CCDC57: variants seen among roughly 807,000 people sequenced by gnomAD.
The protein encoded by CCDC57 is coiled-coil domain-containing protein 57.
Under a neutral mutation model 118.9 loss-of-function variants are expected in CCDC57, and 118 were observed. The ratio of observed to expected loss-of-function variants is 0.99; its 90% confidence interval spans 0.86 to 1.16. The LOEUF (loss-of-function observed/expected upper bound fraction) is 1.16. Among genes scored for constraint, CCDC57 ranks in the 50% most tolerant of loss-of-function variants. CCDC57 has a pLI of 0.00. For missense variants in CCDC57, 1,300 were observed against 1,320.7 expected, an observed-to-expected ratio of 0.98 and a Z score of 0.24; for synonymous variants, 527 against 532.9, an observed-to-expected ratio of 0.99 and a Z score of 0.15.
At chr17:82,170,840 T>C (rs1297793195) in intron 13 of CCDC57, among the ~76,000 whole-genome samples, 1 of 152,172 alleles carries the variant, frequency 6.6e-6, no homozygotes, top group Admixed American at 6.6e-5. Flanking sequence ...CAAAATAGGA[T>C]GTGCTACGTG....
At chr17:82,101,614 A>G in exon 20 of CCDC57, 1 of 1,292,178 alleles carries the variant, frequency 7.7e-7, no homozygotes, top group Non-Finnish European at 1.1e-6. Flanking sequence ...CACAACACGT[A>G]GGTGAAAGCA....
chr17:82,190,695 C>CA (rs533549239), intron 7 of CCDC57, among the ~76,000 whole-genome samples: 1,964 of 46,046 alleles, frequency 0.043, 32 homozygotes, highest in African/African-American at 0.06. Context: ...GACTCTGTCT[C>CA]AAAAAAAAAA....
chr17:82,205,787 C>T (rs766928561), intron 2 of CCDC57, among the ~76,000 whole-genome samples: 2 of 152,178 alleles, frequency 1.3e-5, no homozygotes, highest in Admixed American at 6.5e-5. Context: ...GTGCAGCACC[C>T]GGTGAGAGCC....
chr17:82,163,247 C>G, exon 14 of CCDC57: 1 of 1,614,052 alleles, frequency 6.2e-7, no homozygotes, highest in Non-Finnish European at 8.5e-7. Flanking sequence ...TGCACTCTGT[C>G]CCCGAGCTTC....
chr17:82,115,509 G>A (rs896451454), intron 19 of CCDC57, among the ~76,000 whole-genome samples: 1 of 152,136 alleles, frequency 6.6e-6, no homozygotes, highest in Admixed American at 6.5e-5. Context: ...GGTGGCTTAC[G>A]CCTGTAATCC....
In CCDC57 at chr17:82,118,458, G is replaced by A. The variant is rs1391622307; in HGVS notation, c.2899+9234C>T. 6.6e-6 allele frequency among the ~76,000 whole-genome samples: 1 copy of A among 152,176 alleles called. No individual in the cohort carries two copies. The highest frequency in any genetic ancestry group is 1.5e-5 in the Non-Finnish European group (1 of 68,038). The stretch of plus-strand genomic sequence containing the variant: ...TTTGGAACATCCTTTGCCCCAGCGA[G>A]GTGCGAGGTGCTCCGGAACTTGCGG... On this transcript the variant is annotated intron_variant, in intron 19 of 19. Coordinates refer to ENST00000665763, the Ensembl canonical transcript of CCDC57. The surrounding 1 kb of genome is among the most constrained non-coding windows in gnomAD (Gnocchi z 4.7).
intron 19 of CCDC57, among the ~76,000 whole-genome samples, chr17:82,114,531 GGGGA>G (rs1399387147): frequency 6.6e-6 from 1 of 152,250 alleles, no homozygotes; most frequent in Admixed American, 6.5e-5. Flanking sequence ...ACCCCAGGCA[GGGGA>G]GGGAGGGAGT....
intron 19 of CCDC57, among the ~76,000 whole-genome samples, chr17:82,124,437 G>T (rs959291568): frequency 2.0e-5 from 3 of 152,174 alleles, no homozygotes; most frequent in Non-Finnish European, 4.4e-5. Context: ...GCTGGAAGAT[G>T]GTTCTGGCTT....
intron 16 of CCDC57, among the ~76,000 whole-genome samples, chr17:82,146,892 TGC>T (rs1352838752): frequency 1.3e-5 from 2 of 152,112 alleles, no homozygotes; most frequent in Non-Finnish European, 2.9e-5. Flanking sequence ...CAAACGTGTG[TGC>T]ACACACACAG....
At chr17:82,136,091 C>T (rs955607385) in intron 16 of CCDC57, among the ~76,000 whole-genome samples, 2 of 152,102 alleles carry the variant, frequency 1.3e-5, no homozygotes, top group Admixed American at 1.3e-4. Context: ...ACACAGAATT[C>T]CCACATGACC....
chr17:82,133,663 C>G (rs1598785956), intron 17 of CCDC57, among the ~76,000 whole-genome samples: 1 of 151,626 alleles, frequency 6.6e-6, no homozygotes, highest in South Asian at 2.1e-4. Flanking sequence ...GAGTTTGAAA[C>G]CAGCCTGGCC....
intron 14 of CCDC57, 99 bp from the exon 14 acceptor site, chr17:82,158,047 A>G: frequency 6.8e-7 from 1 of 1,461,820 alleles, no homozygotes; most frequent in Non-Finnish European, 9.0e-7. Context: ...GCCGGGAAAG[A>G]ACGGGGAGCC....
intron 13 of CCDC57, among the ~76,000 whole-genome samples, chr17:82,167,906 G>A (rs2044203590): frequency 6.6e-6 from 1 of 152,228 alleles, no homozygotes; most frequent in Admixed American, 6.5e-5. Context: ...ATGAGCCACG[G>A]CGCCCGGCCT....
intron 14 of CCDC57, chr17:82,160,187 T>C (rs992525603): frequency 6.6e-6 from 1 of 152,258 alleles, no homozygotes; most frequent in African/African-American, 2.4e-5. Flanking sequence ...TCCCTTGTTA[T>C]GTCGCCTCAC....
At chr17:82,164,599 A>G (rs916438959) in intron 13 of CCDC57, among the ~76,000 whole-genome samples, 1 of 152,212 alleles carries the variant, frequency 6.6e-6, no homozygotes, top group Non-Finnish European at 1.5e-5. Flanking sequence ...GGCAAAAAGG[A>G]GTCAACACTT....
chr17:82,124,440 T>C (rs2037148946), intron 19 of CCDC57, among the ~76,000 whole-genome samples: 1 of 152,330 alleles, frequency 6.6e-6, no homozygotes, highest in East Asian at 1.9e-4. Flanking sequence ...GGAAGATGGT[T>C]CTGGCTTCAT....
At chr17:82,203,009 G>A (rs1297694022) in intron 2 of CCDC57, among the ~76,000 whole-genome samples, 5 of 152,192 alleles carry the variant, frequency 3.3e-5, no homozygotes, top group African/African-American at 1.2e-4. Context: ...ATATGGTTTC[G>A]ATATTTATCC....
At chr17:82,206,756 G>C (rs372351851) in intron 2 of CCDC57, among the ~76,000 whole-genome samples, 2 of 152,208 alleles carry the variant, frequency 1.3e-5, no homozygotes, top group South Asian at 4.1e-4. Flanking sequence ...TGGTCAGTCA[G>C]AAGTTCCGGA....
chr17:82,141,177 AT>A (rs56298520), intron 16 of CCDC57, among the ~76,000 whole-genome samples: 2,532 of 121,360 alleles, frequency 0.021, 26 homozygotes, highest in South Asian at 0.056. Flanking sequence ...CGCCCGGCTA[AT>A]TTTTTTTTTT....
Sources: gnomAD v4.1 joint callset for allele counts (sites outside exome capture counted in the v4.1 genomes callset) on GRCh38, gnomAD v4.1.1 for gene constraint, Gnocchi (gnomAD v3.1) non-coding constraint, MANE v1.5 for transcripts, NCBI Gene and HGNC (gene_info 2026-07-23, HGNC 2026-07-21) for gene names.